MGST1: variants seen among roughly 807,000 people sequenced by gnomAD.
MGST1 encodes microsomal glutathione S-transferase 1, also known as glutathione S-transferase 12.
Under a neutral mutation model 8.9 loss-of-function variants are expected in MGST1, and 5 were observed. That is an observed-to-expected ratio of 0.56 (90% CI 0.29 to 1.19). The LOEUF (loss-of-function observed/expected upper bound fraction) is 1.19. Among genes scored for constraint, MGST1 ranks in the 50% most tolerant of loss-of-function variants. The pLI, the probability that MGST1 is intolerant of heterozygous loss-of-function variation, is 0.08. For missense variants in MGST1, 182 were observed against 187.4 expected (o/e 0.97, Z 0.17); for synonymous variants, 54 against 67.8 (o/e 0.80, Z 1.00).
chr12:16,516,961 T>C (rs1272003705), intron 4 of MGST1, among the ~76,000 whole-genome samples: 1 of 152,184 alleles, frequency 6.6e-6, no homozygotes, highest in Admixed American at 6.5e-5. Context: ...GTCAGGAATG[T>C]CAACACTCAG....
chr12:16,408,068 A>G (rs1749337819), intron 1 of MGST1, among the ~76,000 whole-genome samples: 1 of 149,986 alleles, frequency 6.7e-6, no homozygotes, highest in East Asian at 2.0e-4. Context: ...AGACAGGAAC[A>G]TGGATAGAGC....
At position 16,584,157 on chromosome 12, in the gene MGST1, G is replaced by A. The variant is rs1212039501; in HGVS notation, n.483-5371G>A. Among the ~76,000 whole-genome samples, 1 of 152,122 alleles carries A rather than the reference G, an allele frequency of 6.6e-6. No individual in the cohort carries two copies. The highest frequency in any genetic ancestry group is 2.4e-5 in the African/African-American group (1 of 41,422). ...GTGGTAAGAGGGAAATGACAGCAGT[G>A]AGTAGGGGTAAAAGGTAGTATAATT... On this transcript the variant is annotated intron_variant and non_coding_transcript_variant, in intron 4 of 4. Transcript: ENST00000538857. This position sits in a 1 kb window ranked among gnomAD's most constrained non-coding sequence, Gnocchi z 5.2.
At chr12:16,549,271 A>G (rs902371538) in intron 4 of MGST1, 1 of 152,132 alleles carries the variant, frequency 6.6e-6, no homozygotes, top group Non-Finnish European at 1.5e-5. Context: ...CTAAAATAAT[A>G]GTTATTTTTG....
downstream of MGST1, among the ~76,000 whole-genome samples, chr12:16,367,834 C>G (rs1217270108): frequency 6.9e-6 from 1 of 143,926 alleles, no homozygotes; most frequent in East Asian, 2.2e-4. Flanking sequence ...ACTAGCAAGG[C>G]CAAGTCTGAT....
intron 3 of MGST1, among the ~76,000 whole-genome samples, chr12:16,371,318 T>C (rs1471433072): frequency 6.6e-6 from 1 of 152,164 alleles, no homozygotes; most frequent in Non-Finnish European, 1.5e-5. Context: ...TAAAGAAATA[T>C]TTATTGAAGG....
chr12:16,538,893 C>G lies in MGST1; in HGVS notation n.483-50635C>G, dbSNP rs1186806988. On this transcript the variant is annotated intron_variant and non_coding_transcript_variant, in intron 4 of 4. Coordinates refer to the MGST1 transcript ENST00000538857. ...AAAGTGCTGGGATTACAGGCATGAG[C>G]CACTGCACCCGGCCGAAAGGCACTT... 2.0e-5 allele frequency among the ~76,000 whole-genome samples: 3 copies of G among 152,176 alleles called. No homozygotes were observed. The East Asian group carries it at 5.8e-4, about 30-fold the overall frequency.
At position 16,585,029 on chromosome 12, in the gene MGST1, G is replaced by T. The variant is rs1591812158; in HGVS notation, n.483-4499G>T. Among the ~76,000 whole-genome samples the T allele has an allele frequency of 6.6e-6, 1 of 152,172 alleles. No homozygotes were observed. The highest frequency in any genetic ancestry group is 1.9e-4 in the East Asian group (1 of 5,202). On this transcript the variant is annotated intron_variant and non_coding_transcript_variant, in intron 4 of 4. Coordinates refer to the MGST1 transcript ENST00000538857. This position sits in a 1 kb window ranked among gnomAD's most constrained non-coding sequence, Gnocchi z 4.7. ...AGTTGCCAATGTCTTATATACAAGA[G>T]ATTTTACTGAAATATCTAGAAAAAA...
chr12:16,435,917 G>T (rs1039529740), intron 1 of MGST1, among the ~76,000 whole-genome samples: 18 of 151,602 alleles, frequency 1.2e-4, no homozygotes, highest in Admixed American at 1.2e-3. Flanking sequence ...TGAGTCATAA[G>T]AACTATATAG....
At chr12:16,570,989 T>C (rs1424309967) in intron 4 of MGST1, among the ~76,000 whole-genome samples, 1 of 152,102 alleles carries the variant, frequency 6.6e-6, no homozygotes, top group East Asian at 1.9e-4. Flanking sequence ...CATATGTAAC[T>C]AACCTGCACA....
At chr12:16,484,439 G>A (rs1432990391) in intron 4 of MGST1, among the ~76,000 whole-genome samples, 1 of 152,016 alleles carries the variant, frequency 6.6e-6, no homozygotes, top group Non-Finnish European at 1.5e-5. Flanking sequence ...TTTACTTTCT[G>A]TTTTAGTCCA....
At chr12:16,571,443 A>C (rs1374942065) in intron 4 of MGST1, among the ~76,000 whole-genome samples, 1 of 152,120 alleles carries the variant, frequency 6.6e-6, no homozygotes, top group Non-Finnish European at 1.5e-5. Context: ...AAATTCTTTA[A>C]GAAGGTACTC....
chr12:16,444,617 C>T (rs1257649693), intron 4 of MGST1, among the ~76,000 whole-genome samples: 3 of 151,928 alleles, frequency 2.0e-5, no homozygotes, highest in Non-Finnish European at 2.9e-5. Context: ...TGGACTTTTT[C>T]TCCCTCCTTC....
At chr12:16,492,958 C>T (rs775917602) in intron 4 of MGST1, among the ~76,000 whole-genome samples, 12 of 152,120 alleles carry the variant, frequency 7.9e-5, no homozygotes, top group African/African-American at 1.2e-4. Flanking sequence ...TGGGATATGG[C>T]CTAGGTCTGC....
intron 4 of MGST1, among the ~76,000 whole-genome samples, chr12:16,561,670 A>G (rs1049369678): frequency 2.0e-5 from 3 of 152,224 alleles, no homozygotes; most frequent in Non-Finnish European, 4.4e-5. Context: ...GACTCCAAAG[A>G]GAAGTCTTTT....
chr12:16,543,052 G>A (rs943880368), intron 4 of MGST1, among the ~76,000 whole-genome samples: 1 of 152,134 alleles, frequency 6.6e-6, no homozygotes, highest in African/African-American at 2.4e-5. Flanking sequence ...TACTTCCTCA[G>A]TTATTACCTG....
intron 4 of MGST1, among the ~76,000 whole-genome samples, chr12:16,476,728 G>A (rs1217690223): frequency 6.6e-6 from 1 of 152,016 alleles, no homozygotes; most frequent in African/African-American, 2.4e-5. Flanking sequence ...TAGATCACAG[G>A]GATAAAGAGC....
At position 16,544,159 on chromosome 12, in the gene MGST1, C is replaced by T. The variant is rs1367299614; in HGVS notation, n.483-45369C>T. Among the ~76,000 whole-genome samples, 1 of 150,952 alleles carries T rather than the reference C, an allele frequency of 6.6e-6. No homozygotes were observed. Among genetic ancestry groups the T allele is most frequent in the Non-Finnish European group, 1.5e-5 (1 of 67,800 alleles). On this transcript the variant is annotated intron_variant and non_coding_transcript_variant, in intron 4 of 4. Coordinates refer to the MGST1 transcript ENST00000538857. This position sits in a 1 kb window ranked among gnomAD's most constrained non-coding sequence, Gnocchi z 4.8. ...TCTCATGCCTTTTATTTTTGGATTT[C>T]TGGTTTTCTAAGGTATTGTCTTTCA...
rs915073321 is a variant in MGST1, at chr12:16,363,112, C to G, written c.222-683C>G. ...TTATAAAGAAAACATTTAGGAAATT[C>G]TCTCTTTCTCTCTTTCACCTATCCT... On this transcript the variant is annotated intron_variant, in intron 3 of 3. Transcript: ENST00000396210. The surrounding 1 kb of genome is among the most constrained non-coding windows in gnomAD (Gnocchi z 4.6). 2.0e-5 allele frequency: 3 copies of G among 152,084 alleles called. No individual in the cohort carries two copies. Among genetic ancestry groups the G allele is most frequent in the African/African-American group, 7.2e-5 (3 of 41,434 alleles). The allele number at this position is 152,084 out of a possible 1,614,324, so 9.4% of individuals were successfully genotyped here.
Position 16,422,239 on chromosome 12 carries a change from T to C in MGST1, n.779-15149T>C, listed in dbSNP as rs377008602. On this transcript the variant is annotated intron_variant and non_coding_transcript_variant, in intron 1 of 1. Transcript: ENST00000359720. Reference sequence around the variant, plus strand: ...GATCAACCAGCCCATCTATTCTCTATAGTGTGTATATGAATCTATCCATCT... The same window carrying C: ...GATCAACCAGCCCATCTATTCTCTACAGTGTGTATATGAATCTATCCATCT... Among the ~76,000 whole-genome samples the C allele has an allele frequency of 7.9e-5, 12 of 152,312 alleles. 1 individual carries two copies. In the South Asian group the frequency reaches 2.3e-3, roughly 29 times the overall value.
Sources: allele counts gnomAD v4.1 joint callset (sites outside exome capture counted in the v4.1 genomes callset), GRCh38; gene constraint gnomAD v4.1.1; non-coding constraint Gnocchi (gnomAD v3.1); transcripts MANE v1.5; gene names NCBI Gene and HGNC (gene_info 2026-07-23, HGNC 2026-07-21).